Variants in AMMECR1L observed in about 807,000 individuals in gnomAD.
The protein encoded by AMMECR1L is AMMECR1-like protein.
In AMMECR1L, 4 loss-of-function variants were observed where a neutral mutation model predicts 36.8. The observed-to-expected ratio is 0.11, with a 90% CI of 0.05 to 0.25. The LOEUF (loss-of-function observed/expected upper bound fraction) is 0.25, where lower values mean the gene tolerates loss of function less well. Among genes scored for constraint, AMMECR1L ranks in the 10% least tolerant of loss-of-function variants. AMMECR1L has a pLI of 1.00. For synonymous variants in AMMECR1L, 147 were observed against 148.0 expected, an observed-to-expected ratio of 0.99 and a Z score of 0.05; for missense variants, 232 against 392.1, an observed-to-expected ratio of 0.59 and a Z score of 3.45.
chr2:127,867,602 G>A (rs150915387), intron 6 of AMMECR1L, among the ~76,000 whole-genome samples: 9 of 152,204 alleles, frequency 5.9e-5, no homozygotes, highest in African/African-American at 1.9e-4. Context: ...CAAAAATTAA[G>A]TGAGCGTGTG....
At position 127,873,186 on chromosome 2, in the gene AMMECR1L, T is replaced by A; in HGVS notation, c.407+642A>T. On this transcript the variant is annotated intron_variant, in intron 3 of 7. Transcript: ENST00000272647. This position sits in a 1 kb window ranked among gnomAD's most constrained non-coding sequence, Gnocchi z 5.2. ...AAGCCAGCTCAGAGCGGCTTCCAAT[T>A]CTGAGGAAGAAGAAAATGCTAGCAT... 1.0e-6 allele frequency: 1 copy of A among 985,400 alleles called. No homozygotes were observed. The highest frequency in any genetic ancestry group is 1.2e-6 in the Non-Finnish European group (1 of 829,938). The allele number at this position is 985,400 out of a possible 1,614,324, so 61.0% of individuals were successfully genotyped here.
intron 2 of AMMECR1L, among the ~76,000 whole-genome samples, chr2:127,877,167 G>C (rs989167015): frequency 2.6e-5 from 4 of 151,490 alleles, no homozygotes; most frequent in African/African-American, 9.7e-5. Context: ...CAACTCCTGG[G>C]GGGCCAGTAC....
chr2:127,874,181 A>G lies in AMMECR1L; in HGVS notation c.54T>C (p.Cys18=), dbSNP rs760031576. 8.1e-6 allele frequency: 13 copies of G among 1,614,188 alleles called. No individual in the cohort carries two copies. The South Asian group carries it at 1.4e-4, about 18-fold the overall frequency. ...ATAATTTGGGCTTCTTGACCCCACAACAGCCTGCTGCCAACTTGGGCTCGA... is the reference window on the plus strand; with the variant it reads ...ATAATTTGGGCTTCTTGACCCCACAGCAGCCTGCTGCCAACTTGGGCTCGA... ...PPLEPKLAAG[C]CGVKKPKLSG... is the part of the protein sequence containing the mutation. The change falls in exon 3 of 8, where the codon TGT becomes TGC. Residue 18 remains cysteine (C), a synonymous_variant. Transcript: ENST00000272647. This position sits in a 1 kb window ranked among gnomAD's most constrained non-coding sequence, Gnocchi z 5.2.
rs1274668941 is a variant in AMMECR1L at position 127,869,012 on chromosome 2, C to T, written c.724+442G>A. Among the ~76,000 whole-genome samples the T allele has an allele frequency of 6.6e-6, 1 of 152,170 alleles. No individual in the cohort carries two copies. Among genetic ancestry groups the T allele is most frequent in the Non-Finnish European group, 1.5e-5 (1 of 68,032 alleles). Reference sequence around the variant, plus strand: ...TGCTGGGATTATAGGAGTAAGCCACCACGCCTGGCCGACTACTGAGTTCTT... The same window carrying T: ...TGCTGGGATTATAGGAGTAAGCCACTACGCCTGGCCGACTACTGAGTTCTT... On this transcript the variant is annotated intron_variant, in intron 6 of 7. Coordinates refer to ENST00000272647, the MANE Select transcript of AMMECR1L (RefSeq NM_001199140.2). This position sits in a 1 kb window ranked among gnomAD's most constrained non-coding sequence, Gnocchi z 4.7.
chr2:127,868,932 C>T (rs1371265734), intron 6 of AMMECR1L, among the ~76,000 whole-genome samples: 2 of 152,130 alleles, frequency 1.3e-5, no homozygotes, highest in Non-Finnish European at 2.9e-5. Flanking sequence ...ACCATGCTGG[C>T]CAGGATGGTC....
In AMMECR1L at chr2:127,861,729, A is replaced by G. The variant is rs1033176826; in HGVS notation, c.*3365T>C. 6.6e-6 allele frequency: 1 copy of G among 152,248 alleles called. No individual in the cohort carries two copies. The highest frequency in any genetic ancestry group is 1.5e-5 in the Non-Finnish European group (1 of 68,050). The allele number at this position is 152,248 out of a possible 1,614,324, so 9.4% of individuals were successfully genotyped here. On this transcript the variant is annotated 3_prime_UTR_variant, in exon 8 of 8. Transcript: ENST00000272647. ...GCCAAGAGGCAACCAAGTGTAATAC[A>G]AAGAATTGGTCTGAAGTCTTTGCAC...
chr2:127,865,184 T>G lies in AMMECR1L; in HGVS notation c.843A>C (p.Thr281=). The G allele has an allele frequency of 5.0e-6, 8 of 1,612,838 alleles. No individual in the cohort carries two copies. The highest frequency in any genetic ancestry group is 6.8e-6 in the Non-Finnish European group (8 of 1,179,454). ...AAGCAATATACTCTGCGTAACTGATTGTCACCTTCTCACTTCGGTACCTGT... is the reference window on the plus strand; with the variant it reads ...AAGCAATATACTCTGCGTAACTGATGGTCACCTTCTCACTTCGGTACCTGT... ...KLTRYRSEKV[T]ISYAEYIASR... Residue 281 remains threonine, a synonymous_variant, in exon 8 of 8, where the codon ACA becomes ACC. Coordinates refer to ENST00000272647, the MANE Select transcript of AMMECR1L (RefSeq NM_001199140.2). The surrounding 1 kb of genome is among the most constrained non-coding windows in gnomAD (Gnocchi z 5.4).
In AMMECR1L at chr2:127,871,630, A is replaced by C. The variant is rs1212636890; in HGVS notation, c.408-271T>G. ...TTTAATTCACTTTGCCGCCAAATTT[A>C]CATGCTACTTTCCTCTTTCTCTGCC... is the stretch of plus-strand genomic sequence containing the variant. On this transcript the variant is annotated intron_variant, in intron 3 of 7. Coordinates refer to ENST00000272647, the MANE Select transcript of AMMECR1L (RefSeq NM_001199140.2). The surrounding 1 kb of genome is among the most constrained non-coding windows in gnomAD (Gnocchi z 4.3). 6.6e-6 allele frequency among the ~76,000 whole-genome samples: 1 copy of C among 152,180 alleles called. No homozygotes were observed. The highest frequency in any genetic ancestry group is 1.5e-5 in the Non-Finnish European group (1 of 68,044).
At chr2:127,878,366 A>G (rs951675667) in intron 2 of AMMECR1L, among the ~76,000 whole-genome samples, 3 of 152,220 alleles carry the variant, frequency 2.0e-5, no homozygotes, top group Non-Finnish European at 4.4e-5. Context: ...GTGTTTTAAT[A>G]GGGCTCTGAG....
intron 6 of AMMECR1L, 181 bp from the exon 7 acceptor site, chr2:127,867,177 G>C (rs958312337): frequency 4.1e-6 from 4 of 985,500 alleles, no homozygotes; most frequent in Non-Finnish European, 4.8e-6. Flanking sequence ...GTCCCGTGGA[G>C]ACTCTGAGAC....
In AMMECR1L at chr2:127,865,318, A is replaced by T; in HGVS notation, c.822-113T>A. ...CCACATTTTGAAAGAATAAAATGGAAGACCAAGAGCAATCTTACTTACAGA... is the reference window on the plus strand; with the variant it reads ...CCACATTTTGAAAGAATAAAATGGATGACCAAGAGCAATCTTACTTACAGA... On this transcript the variant is annotated intron_variant, in intron 7 of 7. Transcript: ENST00000272647. This position sits in a 1 kb window ranked among gnomAD's most constrained non-coding sequence, Gnocchi z 5.4. 2 of 604,570 alleles carry T rather than the reference A, an allele frequency of 3.3e-6. No individual in the cohort carries two copies. Among genetic ancestry groups the T allele is most frequent in the South Asian group, 2.4e-5 (1 of 41,366 alleles). The allele number at this position is 604,570 out of a possible 1,614,324, so 37.5% of individuals were successfully genotyped here.
At chr2:127,881,720 G>T (rs1233969245) in intron 2 of AMMECR1L, among the ~76,000 whole-genome samples, 1 of 152,066 alleles carries the variant, frequency 6.6e-6, no homozygotes, top group East Asian at 1.9e-4. Context: ...AAGTAGCGTT[G>T]GTTATAAAAA....
chr2:127,880,430 T>C (rs1691439138), intron 2 of AMMECR1L, among the ~76,000 whole-genome samples: 1 of 152,176 alleles, frequency 6.6e-6, no homozygotes, highest in African/African-American at 2.4e-5. Flanking sequence ...CTCCTAACCT[T>C]GCAGGTGTCA....
intron 3 of AMMECR1L, among the ~76,000 whole-genome samples, chr2:127,872,604 A>T (rs548744156): frequency 1.3e-5 from 2 of 152,282 alleles, no homozygotes; most frequent in South Asian, 4.1e-4. Flanking sequence ...TGTCCCATCT[A>T]GCCATCTTTT....
Position 127,873,535 on chromosome 2 carries a change from C to T in AMMECR1L, c.407+293G>A. ...ACTTCCCCACTTGAGAGGTTAAATG[C>T]CATACCCACTGCCATGTGAACCAAC... On this transcript the variant is annotated intron_variant, in intron 3 of 7. Coordinates refer to ENST00000272647, the MANE Select transcript of AMMECR1L (RefSeq NM_001199140.2). The surrounding 1 kb of genome is among the most constrained non-coding windows in gnomAD (Gnocchi z 5.2). 1.0e-6 allele frequency: 1 copy of T among 985,454 alleles called. No individual in the cohort carries two copies. The highest frequency in any genetic ancestry group is 1.2e-6 in the Non-Finnish European group (1 of 829,944). The allele number at this position is 985,454 out of a possible 1,614,324, so 61.0% of individuals were successfully genotyped here. A position where few individuals can be genotyped will look rare whatever the true frequency, so the allele number is the denominator to read the frequency against.
chr2:127,868,359 T>A (rs756880259), intron 6 of AMMECR1L, among the ~76,000 whole-genome samples: 1 of 151,868 alleles, frequency 6.6e-6, no homozygotes, highest in African/African-American at 2.4e-5. Flanking sequence ...TTGTACAGAG[T>A]GTGTTAGGTT....
At chr2:127,867,384 C>T (rs900806045) in intron 6 of AMMECR1L, 2 of 830,854 alleles carry the variant, frequency 2.4e-6, no homozygotes, top group Non-Finnish European at 2.9e-6. Flanking sequence ...AACTTATATT[C>T]CTTTGTGTGA....
intron 2 of AMMECR1L, among the ~76,000 whole-genome samples, chr2:127,875,202 T>C (rs529581610): frequency 9.1e-4 from 138 of 152,292 alleles, no homozygotes; most frequent in Admixed American, 2.3e-3. Context: ...GGTAAAAATG[T>C]ATAGCCATAA....
At chr2:127,867,512 T>C (rs967864233) in intron 6 of AMMECR1L, among the ~76,000 whole-genome samples, 1 of 152,162 alleles carries the variant, frequency 6.6e-6, no homozygotes, top group Admixed American at 6.5e-5. Context: ...TTTGGGAGGC[T>C]GAGGCAGGAG....
Sources: gnomAD v4.1 joint callset for allele counts (sites outside exome capture counted in the v4.1 genomes callset) on GRCh38, gnomAD v4.1.1 for gene constraint, Gnocchi (gnomAD v3.1) non-coding constraint, MANE v1.5 for transcripts, NCBI Gene and HGNC (gene_info 2026-07-23, HGNC 2026-07-21) for gene names.